Variants in LMOD3 observed in about 807,000 individuals in gnomAD.
LMOD3 encodes leiomodin 3, also known as leiomodin-3.
Under a neutral mutation model 41.8 loss-of-function variants are expected in LMOD3, and 31 were observed. That is an observed-to-expected ratio of 0.74 (90% confidence interval 0.56 to 1.00). LMOD3 has a LOEUF of 1.00. LMOD3 is among the 50% of genes least tolerant of loss of function. The pLI, the probability that LMOD3 is intolerant of heterozygous loss-of-function variation, is 0.00. For missense variants in LMOD3, 755 were observed against 679.5 expected (o/e 1.11, Z -1.23); for synonymous variants, 292 against 241.9 (o/e 1.21, Z -1.92).
rs1247374711 is a variant in LMOD3 at position 69,117,124 on chromosome 3, ATGT to A, written c.1656+1572_1656+1574del. On this transcript the variant is annotated intron_variant, in intron 2 of 2. Transcript: ENST00000420581. ...AGAAGAGCAGGTGCAGAAAGTCTTGATGTTGTGCCCAAGGGCAGGCAAAGAACC... is the reference window on the plus strand; with the variant it reads ...AGAAGAGCAGGTGCAGAAAGTCTTGATGTGCCCAAGGGCAGGCAAAGAACC... Among the ~76,000 whole-genome samples the A allele has an allele frequency of 2.6e-5, 4 of 152,308 alleles. No homozygotes were observed. In the South Asian group the frequency reaches 8.3e-4, roughly 32 times the overall value.
intron 2 of LMOD3, among the ~76,000 whole-genome samples, chr3:69,110,200 C>T (rs1330477087): frequency 1.3e-5 from 2 of 151,916 alleles, no homozygotes; most frequent in Admixed American, 6.6e-5. Context: ...GCTTGAACAA[C>T]AAAGTGAGAC....
chr3:69,119,739 G>C lies in LMOD3; in HGVS notation c.616C>G (p.Gln206Glu). ...FKEQRDRPEA[Q>E]EQSEKKISKL... is the part of the protein sequence containing the mutation. ...GATATTTTTTTCTCACTTTGTTCTTGGGCCTCTGGTCTGTCTCTCTGTTCT... is the reference window on the plus strand; with the variant it reads ...GATATTTTTTTCTCACTTTGTTCTTCGGCCTCTGGTCTGTCTCTCTGTTCT... Residue 206 changes from glutamine (Q) to glutamate (E), a missense_variant, in exon 2 of 3, where the codon CAA (glutamine) becomes GAA (glutamate). Gln to Glu is a conservative substitution (Grantham distance 29). Coordinates refer to ENST00000420581, the MANE Select transcript of LMOD3 (RefSeq NM_198271.5). The C allele has an allele frequency of 1.9e-6, 3 of 1,613,742 alleles. No individual in the cohort carries two copies. In the South Asian group the frequency reaches 3.3e-5, roughly 18 times the overall value.
chr3:69,110,854 AT>A (rs1163680580), intron 2 of LMOD3, among the ~76,000 whole-genome samples: 2,428 of 86,802 alleles, frequency 0.028, 79 homozygotes, highest in African/African-American at 0.091. Context: ...AAAAAAAAAA[AT>A]ATATATATAT....
At chr3:69,113,998 T>G (rs941215778) in intron 2 of LMOD3, among the ~76,000 whole-genome samples, 1 of 152,162 alleles carries the variant, frequency 6.6e-6, no homozygotes, top group Non-Finnish European at 1.5e-5. Flanking sequence ...CAAAGATTTT[T>G]AAAAACATAG....
intron 2 of LMOD3, among the ~76,000 whole-genome samples, chr3:69,112,831 G>C (rs562385085): frequency 6.6e-6 from 1 of 152,198 alleles, no homozygotes; most frequent in Non-Finnish European, 1.5e-5. Flanking sequence ...TCAGTAATCT[G>C]TATTTAGCCC....
chr3:69,121,951 T>C (rs2092409444), intron 1 of LMOD3, 142 bp downstream of exon 1: 1 of 629,604 alleles, frequency 1.6e-6, no homozygotes, highest in East Asian at 2.8e-5. Flanking sequence ...GGAGTAGGAT[T>C]AAATATTATG....
In LMOD3 at chr3:69,119,682, T is replaced by C. The variant is rs753687663; in HGVS notation, c.673A>G (p.Thr225Ala). ...CTTGTACTTACCTTCAAAAAGCTGG[T>C]GTCTAGAGCTAACTTCTTAGGATCT... is the stretch of plus-strand genomic sequence containing the variant. Reference protein sequence around the residue: ...KLDPKKLALDTSFLKVSTRPS... With the variant: ...KLDPKKLALDASFLKVSTRPS... Residue 225 changes from threonine (T) to alanine (A), a missense_variant, in exon 2 of 3, where the codon ACC becomes GCC. Physicochemically the swap from Thr to Ala is moderately conservative, Grantham distance 58. Transcript: ENST00000420581. 10 of 1,613,940 alleles carry C rather than the reference T, an allele frequency of 6.2e-6. No homozygotes were observed. The highest frequency in any genetic ancestry group is 8.5e-6 in the Non-Finnish European group (10 of 1,179,870).
chr3:69,120,509 A>C (rs2092402464), intron 1 of LMOD3, among the ~76,000 whole-genome samples: 1 of 151,696 alleles, frequency 6.6e-6, no homozygotes, highest in Admixed American at 6.6e-5. Context: ...ACATCCCTAC[A>C]ATGTCTACTA....
Position 69,122,147 on chromosome 3 carries a change from T to A in LMOD3, c.240A>T (p.Ala80=). 3 of 1,612,956 alleles carry A rather than the reference T, an allele frequency of 1.9e-6. No homozygotes were observed. The highest frequency in any genetic ancestry group is 2.5e-6 in the Non-Finnish European group (3 of 1,179,520). Residue 80 remains alanine, a synonymous_variant, in exon 1 of 3, where the codon GCA becomes GCT. Coordinates refer to ENST00000420581, the MANE Select transcript of LMOD3 (RefSeq NM_198271.5). ...SLVDYMYWEK[A]SRRMLEEERV... is the part of the protein sequence containing the mutation. ...GTTCCTCTTCCAGCATGCGCCTGGATGCCTTTTCCCAATACATATAATCAA... is the reference window on the plus strand; with the variant it reads ...GTTCCTCTTCCAGCATGCGCCTGGAAGCCTTTTCCCAATACATATAATCAA...
chr3:69,119,216 G>A lies in LMOD3; in HGVS notation c.1139C>T (p.Pro380Leu), dbSNP rs765223466. The A allele has an allele frequency of 1.4e-5, 22 of 1,613,510 alleles. No individual in the cohort carries two copies. Among genetic ancestry groups the A allele is most frequent in the East Asian group, 4.5e-5 (2 of 44,834 alleles). The change falls in exon 2 of 3, where the codon CCG (proline) becomes CTG (leucine). Residue 380 changes from proline (P) to leucine (L), a missense_variant. Pro to Leu is a moderately conservative substitution (Grantham distance 98). Transcript: ENST00000420581. ...LLKMGYHFEL[P>L]GPRMVVTNLL... The stretch of plus-strand genomic sequence containing the variant: ...ATTAGTGACCACCATTCTGGGACCC[G>A]GAAGCTCAAAATGGTAGCCCATCTT...
chr3:69,117,522 A>T (rs2092380624), intron 2 of LMOD3, among the ~76,000 whole-genome samples: 1 of 152,216 alleles, frequency 6.6e-6, no homozygotes, highest in Admixed American at 6.5e-5. Context: ...CTCTGAACAC[A>T]TCTTTCAACC....
Position 69,119,242 on chromosome 3 carries a change from C to T in LMOD3, c.1113G>A (p.Leu371=). The T allele has an allele frequency of 6.2e-7, 1 of 1,613,870 alleles. No individual in the cohort carries two copies. Among genetic ancestry groups the T allele is most frequent in the South Asian group, 1.1e-5 (1 of 91,054 alleles). The change falls in exon 2 of 3, where the codon CTG becomes CTA. Residue 371 remains leucine (L), a synonymous_variant. Coordinates refer to ENST00000420581, the MANE Select transcript of LMOD3 (RefSeq NM_198271.5). ...ARLLKANNTL[L]KMGYHFELPG... is the part of the protein sequence containing the mutation. ...GAAGCTCAAAATGGTAGCCCATCTT[C>T]AGGAGAGTGTTGTTTGCCTTCAAAA...
Position 69,122,202 on chromosome 3 carries a change from G to A in LMOD3, c.185C>T (p.Pro62Leu), listed in dbSNP as rs755803929. Residue 62 changes from proline to leucine, a missense_variant, in exon 1 of 3, where the codon CCG becomes CTG. Physicochemically the swap from Pro to Leu is moderately conservative, Grantham distance 98. Transcript: ENST00000420581. ...AGATTTATGATTGAAGTTTCCTGTC[G>A]GTGGCTTGTCAGTTTGATCTTTCTG... Reference protein sequence around the residue: ...MIQKDQTDKPPTGNFNHKSLV... With the variant: ...MIQKDQTDKPLTGNFNHKSLV... 6.2e-6 allele frequency: 10 copies of A among 1,613,250 alleles called. No homozygotes were observed. In the African/African-American group the frequency reaches 6.7e-5, roughly 11 times the overall value.
chr3:69,116,902 G>A (rs1015696079), intron 2 of LMOD3, among the ~76,000 whole-genome samples: 20 of 152,188 alleles, frequency 1.3e-4, no homozygotes, highest in African/African-American at 2.2e-4. Context: ...CTTCTACTCC[G>A]AACTTACATG....
At position 69,119,065 on chromosome 3, in the gene LMOD3, C is replaced by T. The variant is rs982595129; in HGVS notation, c.1290G>A (p.Met430Ile). 1.2e-6 allele frequency: 2 copies of T among 1,613,848 alleles called. No homozygotes were observed. The highest frequency in any genetic ancestry group is 2.2e-5 in the East Asian group (1 of 44,858). The change falls in exon 2 of 3, where the codon ATG becomes ATA. Residue 430 changes from methionine (M) to isoleucine (I), a missense_variant. By Grantham distance (10) the Met-to-Ile change is conservative (BLOSUM62 1). Coordinates refer to ENST00000420581, the MANE Select transcript of LMOD3 (RefSeq NM_198271.5). ...GCTTGGGTCCTCCCAACAGCTCCCA[C>T]ATCCCAGGGGGCAGCCCCAACCCAT... ...LENGLGLPPGMWELLGGPKPD... is the reference protein window; with the variant it reads ...LENGLGLPPGIWELLGGPKPD...
chr3:69,111,057 C>T (rs1426957958), intron 2 of LMOD3, among the ~76,000 whole-genome samples: 1 of 151,840 alleles, frequency 6.6e-6, no homozygotes, highest in African/African-American at 2.4e-5. Context: ...CATGTATGTA[C>T]CTTCCAGAGG....
chr3:69,106,485 G>A lies in LMOD3; in HGVS notation c.*2610C>T, dbSNP rs538025065. ...AAAACAAGCTAAAATCTGCAACTAA[G>A]ATCTTTAGGGTTGGGTGGTAGAAAA... On this transcript the variant is annotated 3_prime_UTR_variant, in exon 3 of 3. Transcript: ENST00000420581. Among the ~76,000 whole-genome samples, 6 of 152,126 alleles carry A rather than the reference G, an allele frequency of 3.9e-5. No individual in the cohort carries two copies. The highest frequency in any genetic ancestry group is 8.8e-5 in the Non-Finnish European group (6 of 68,032).
intron 2 of LMOD3, among the ~76,000 whole-genome samples, chr3:69,113,474 T>G (rs1341636855): frequency 6.6e-6 from 1 of 152,184 alleles, no homozygotes; most frequent in African/African-American, 2.4e-5. Flanking sequence ...TGGCCAGTGA[T>G]GAAGATGAAT....
chr3:69,118,939 T>C lies in LMOD3; in HGVS notation c.1416A>G (p.Pro472=), dbSNP rs563513367. Residue 472 remains proline (P), a synonymous_variant, in exon 2 of 3, where the codon CCA becomes CCG. Transcript: ENST00000420581. ...CTGTCCTGTACTTCGGGGCCTGCGA[T>C]GGCTTTTTCATCATTTCACTGCGTT... ...FSQRSEMMKK[P]SQAPKYRTDP... The C allele has an allele frequency of 6.8e-5, 110 of 1,612,636 alleles. 1 individual carries two copies. In the Middle Eastern group the frequency reaches 4.9e-3, roughly 73 times the overall value.
Sources: gnomAD v4.1 joint callset for allele counts (sites outside exome capture counted in the v4.1 genomes callset) on GRCh38, gnomAD v4.1.1 for gene constraint, MANE v1.5 for transcripts, NCBI Gene and HGNC (gene_info 2026-07-23, HGNC 2026-07-21) for gene names.